The following COL5A2 variants were observed in gnomAD, a reference collection of about 807,000 sequenced individuals.
COL5A2 encodes the protein collagen alpha-2(V) chain.
COL5A2 carries 23 observed loss-of-function variants against 208.2 expected under a neutral mutation model. That is an observed-to-expected ratio of 0.11 (90% CI 0.08 to 0.16). COL5A2 has a LOEUF of 0.16. COL5A2 is among the 10% of genes least tolerant of loss of function. COL5A2 has a pLI of 1.00. For missense variants in COL5A2, 1,590 were observed against 1,956.4 expected (o/e 0.81, Z 3.53); for synonymous variants, 625 against 628.5 (o/e 0.99, Z 0.08).
chr2:189,409,296 C>T, the COL5A2 span, among the ~76,000 whole-genome samples: 1 of 144,378 alleles, frequency 6.9e-6, no homozygotes, highest in African/African-American at 2.5e-5. Flanking sequence ...ATTGCAGCCT[C>T]GAATTCTTGA....
chr2:189,214,971 G>A (rs1689260483), intron 1 of COL5A2, among the ~76,000 whole-genome samples: 1 of 152,140 alleles, frequency 6.6e-6, no homozygotes, highest in Non-Finnish European at 1.5e-5. Context: ...GGAACTTCCT[G>A]TGAGTTAAGT....
At chr2:189,090,421 G>A (rs1686759502) in intron 7 of COL5A2, among the ~76,000 whole-genome samples, 1 of 152,210 alleles carries the variant, frequency 6.6e-6, no homozygotes, top group Non-Finnish European at 1.5e-5. Context: ...AGCAGCAAAT[G>A]CTGATGTAGA....
At chr2:189,191,140 T>TAAAAAAAAAAAAAAAAAAAAAAAAAA (rs61294032) in intron 1 of COL5A2, among the ~76,000 whole-genome samples, 1 of 118,888 alleles carries the variant, frequency 8.4e-6, no homozygotes, top group African/African-American at 2.9e-5. Flanking sequence ...AGGGAAACCA[T>TAAAAAAAAAAAAAAAAAAAAAAAAAA]AAAAAAAAAA....
chr2:189,342,782 G>A, the COL5A2 span, among the ~76,000 whole-genome samples: 2 of 151,842 alleles, frequency 1.3e-5, no homozygotes, highest in South Asian at 4.1e-4. Flanking sequence ...CACTTGGCAA[G>A]TAAGGACTTT....
At chr2:189,347,105 GAA>G in the COL5A2 span, among the ~76,000 whole-genome samples, 1 of 152,168 alleles carries the variant, frequency 6.6e-6, no homozygotes, top group East Asian at 1.9e-4. Context: ...TCAGAGGTAT[GAA>G]ATCTGCAAAG....
intron 1 of COL5A2, among the ~76,000 whole-genome samples, chr2:189,139,964 T>C (rs1375886875): frequency 6.6e-6 from 1 of 151,958 alleles, no homozygotes; most frequent in Admixed American, 6.6e-5. Flanking sequence ...TCCCAGCTGC[T>C]CAGGAGGCTG....
At chr2:189,375,301 G>T in the COL5A2 span, among the ~76,000 whole-genome samples, 1 of 152,096 alleles carries the variant, frequency 6.6e-6, no homozygotes, top group Non-Finnish European at 1.5e-5. Flanking sequence ...ACAGGCATGA[G>T]TCACCACACC....
At chr2:189,132,245 C>T (rs1002983557) in intron 1 of COL5A2, among the ~76,000 whole-genome samples, 1 of 152,174 alleles carries the variant, frequency 6.6e-6, no homozygotes, top group Non-Finnish European at 1.5e-5. Context: ...ACCACATCAA[C>T]ATTCCTAAAT....
chr2:189,039,761 C>A (rs1189899406), intron 50 of COL5A2, among the ~76,000 whole-genome samples, 198 bp from the exon 51 acceptor site: 2 of 151,822 alleles, frequency 1.3e-5, no homozygotes, highest in East Asian at 1.9e-4. Flanking sequence ...GATGCTCAAT[C>A]ATTTTTCAGG....
chr2:189,438,422 A>G, the COL5A2 span, among the ~76,000 whole-genome samples: 166 of 152,356 alleles, frequency 1.1e-3, no homozygotes, highest in African/African-American at 3.6e-3. Flanking sequence ...GAATGTTTAG[A>G]GAAGTATTAT....
At chr2:189,170,977 G>A (rs1559135418) in intron 1 of COL5A2, among the ~76,000 whole-genome samples, 1 of 152,142 alleles carries the variant, frequency 6.6e-6, no homozygotes, top group Non-Finnish European at 1.5e-5. Flanking sequence ...TCTCAGTATG[G>A]TATTGTTCCT....
the COL5A2 span, among the ~76,000 whole-genome samples, chr2:189,342,213 G>A: frequency 6.9e-6 from 1 of 145,704 alleles, no homozygotes; most frequent in Non-Finnish European, 1.5e-5. Context: ...TTTTTTTTTG[G>A]AGACTTGACA....
At chr2:189,322,242 A>T in the COL5A2 span, among the ~76,000 whole-genome samples, 26 of 152,240 alleles carry the variant, frequency 1.7e-4, no homozygotes, top group Non-Finnish European at 2.9e-4. Context: ...TCTAAAATTG[A>T]CACCCTAACA....
chr2:189,215,049 A>C (rs1576588170), intron 1 of COL5A2, among the ~76,000 whole-genome samples: 2 of 152,324 alleles, frequency 1.3e-5, no homozygotes, highest in South Asian at 4.1e-4. Context: ...TCTTATTGAC[A>C]CGCAGGTCAA....
chr2:189,326,311 A>T, the COL5A2 span, among the ~76,000 whole-genome samples: 1 of 152,148 alleles, frequency 6.6e-6, no homozygotes, highest in Admixed American at 6.5e-5. Flanking sequence ...TTGTAGGATG[A>T]TGGTGGGGAG....
chr2:189,261,494 G>C, the COL5A2 span, among the ~76,000 whole-genome samples: 1 of 152,190 alleles, frequency 6.6e-6, no homozygotes, highest in Non-Finnish European at 1.5e-5. Flanking sequence ...TCAGAGGAGA[G>C]TTGGCAGTTG....
chr2:189,108,445 A>G (rs1279476710), intron 2 of COL5A2, among the ~76,000 whole-genome samples: 1 of 151,920 alleles, frequency 6.6e-6, no homozygotes, highest in Non-Finnish European at 1.5e-5. Flanking sequence ...GTCTTCTGAC[A>G]CTGGATACTG....
Position 189,050,565 on chromosome 2 carries a change from T to C in COL5A2, c.3039+4A>G. The C allele has an allele frequency of 6.5e-7, 1 of 1,548,390 alleles. No homozygotes were observed. Among genetic ancestry groups the C allele is most frequent in the South Asian group, 1.2e-5 (1 of 83,986 alleles). On this transcript the variant is annotated splice_donor_region_variant and intron_variant, in intron 43 of 53. Transcript: ENST00000374866. ...ATAAAATATTGACCGATGCAGCTAC[T>C]CACCGCTGGGCCTGGTAGGCCGGGC...
At chr2:189,356,459 G>A in the COL5A2 span, among the ~76,000 whole-genome samples, 1 of 151,956 alleles carries the variant, frequency 6.6e-6, no homozygotes, top group Admixed American at 6.6e-5. Flanking sequence ...CTCTAATCTT[G>A]TCTTCTCGCT....
Sources: allele counts gnomAD v4.1 joint callset (sites outside exome capture counted in the v4.1 genomes callset), GRCh38; gene constraint gnomAD v4.1.1; transcripts MANE v1.5; gene names NCBI Gene and HGNC (gene_info 2026-07-23, HGNC 2026-07-21).